LRCH2: variants seen among roughly 807,000 people sequenced by gnomAD.
LRCH2 encodes the protein leucine rich repeats and calponin homology domain containing 2, also known as leucine-rich repeat and calponin homology domain-containing protein 2.
In LRCH2, 38 loss-of-function variants were observed where a neutral mutation model predicts 68.9. The ratio of observed to expected loss-of-function variants is 0.55; its 90% CI spans 0.43 to 0.72. The LOEUF is 0.72. LRCH2 is among the 30% of genes least tolerant of loss of function. The probability of loss-of-function intolerance (pLI) is 0.00; values close to 1 mark genes in which losing one functional copy is unlikely to be tolerated. For synonymous variants in LRCH2, 191 were observed against 208.1 expected, an observed-to-expected ratio of 0.92 and a Z score of 0.71; for missense variants, 528 against 572.9, an observed-to-expected ratio of 0.92 and a Z score of 0.80.
At chrX:115,161,850 G>A (rs782115114) in intron 11 of LRCH2, among the ~76,000 whole-genome samples, 2 of 109,549 alleles carry the variant, frequency 1.8e-5, no homozygotes, top group South Asian at 3.8e-4. Context: ...CAGAAATATC[G>A]TATATGACAA....
chrX:115,134,186 G>A (rs2072269367), intron 14 of LRCH2, among the ~76,000 whole-genome samples: 1 of 112,223 alleles, frequency 8.9e-6, no homozygotes, highest in African/African-American at 3.2e-5. Context: ...TGAAGTCAAG[G>A]TGAGGAAGCT....
At chrX:115,139,200 T>A (rs945793556) in intron 14 of LRCH2, 4 of 111,687 alleles carry the variant, frequency 3.6e-5, no homozygotes, top group Admixed American at 1.9e-4. Flanking sequence ...TCAGGTTATT[T>A]TACAATCCCA....
intron 1 of LRCH2, among the ~76,000 whole-genome samples, chrX:115,207,452 T>C (rs1556568673): frequency 9.0e-6 from 1 of 111,440 alleles, no homozygotes; most frequent in Non-Finnish European, 1.9e-5. Flanking sequence ...GGTGGGAGGA[T>C]GGTTTGAGCC....
Position 115,191,348 on chromosome X carries a change from G to T in LRCH2, c.350-2978C>A, listed in dbSNP as rs185429536. 9.3e-5 allele frequency: 106 copies of T among 1,139,663 alleles called. 2 individuals carry two copies. The African/African-American group carries it at 1.7e-3, about 18-fold the overall frequency. 93.9% of individuals were successfully genotyped at this position (1,139,663 alleles called of 1,213,427 possible). ...GGCCGCTACGAGGAGTACCGAGGCC[G>T]CTCCCTTGATGCCAACAGTGGAGGC... On this transcript the variant is annotated intron_variant, in intron 1 of 20. Transcript: ENST00000317135.
chrX:115,112,674 T>C lies in LRCH2; in HGVS notation c.*542A>G, dbSNP rs1401863274. ...AATCTACAGTACAACTGAAAATATT[T>C]TGGCACCAACCTATAATACTAAAAG... On this transcript the variant is annotated 3_prime_UTR_variant, in exon 21 of 21. Coordinates refer to ENST00000317135, the MANE Select transcript of LRCH2 (RefSeq NM_020871.4). 1.8e-5 allele frequency: 2 copies of C among 112,022 alleles called. No individual in the cohort carries two copies. Among genetic ancestry groups the C allele is most frequent in the African/African-American group, 6.5e-5 (2 of 30,859 alleles). 9.2% of individuals were successfully genotyped at this position (112,022 alleles called of 1,213,427 possible).
At chrX:115,181,673 C>T (rs1426268565) in intron 3 of LRCH2, among the ~76,000 whole-genome samples, 9 of 112,182 alleles carry the variant, frequency 8.0e-5, no homozygotes, top group African/African-American at 2.9e-4. Flanking sequence ...GAATATCCAC[C>T]AATTCAATAT....
chrX:115,165,026 T>C (rs1294984957), intron 10 of LRCH2, among the ~76,000 whole-genome samples: 4 of 111,035 alleles, frequency 3.6e-5, no homozygotes, highest in Non-Finnish European at 5.7e-5. Flanking sequence ...ACAATACATC[T>C]GAGTTCCAGC....
At chrX:115,197,109 A>G (rs1569516361) in intron 1 of LRCH2, among the ~76,000 whole-genome samples, 1 of 111,638 alleles carries the variant, frequency 9.0e-6, no homozygotes, top group East Asian at 2.8e-4. Context: ...GCCTTACCCA[A>G]CGAACATCAT....
At position 115,122,856 on chromosome X, in the gene LRCH2, A is replaced by G. The variant is rs1556526471; in HGVS notation, c.2004T>C (p.Ile668=). The change falls in exon 19 of 21, where the codon ATT becomes ATC. Residue 668 remains isoleucine (I), a synonymous_variant. Coordinates refer to ENST00000317135, the MANE Select transcript of LRCH2 (RefSeq NM_020871.4). ...CAACCCCATCCATCAGTGCAGCTCC[A>G]ATGTCATCAGGCAAAATTACTTTTA... The part of the protein sequence containing the change: ...SRLKVILPDD[I]GAALMDGVVL... 1 of 1,207,835 alleles carries G rather than the reference A, an allele frequency of 8.3e-7. No homozygotes were observed. The highest frequency in any genetic ancestry group is 1.1e-6 in the Non-Finnish European group (1 of 894,005).
chrX:115,147,610 T>A, intron 14 of LRCH2, among the ~76,000 whole-genome samples: 1 of 111,777 alleles, frequency 8.9e-6, no homozygotes, highest in East Asian at 2.8e-4. Flanking sequence ...ATAGAAGATG[T>A]TTATTTTATA....
At chrX:115,145,384 G>C (rs782048143) in intron 14 of LRCH2, among the ~76,000 whole-genome samples, 1 of 111,180 alleles carries the variant, frequency 9.0e-6, no homozygotes, top group South Asian at 3.8e-4. Flanking sequence ...ACACAGGTCT[G>C]GGCAAAAATT....
intron 1 of LRCH2, chrX:115,190,109 G>A: frequency 8.6e-7 from 1 of 1,156,172 alleles, no homozygotes; most frequent in East Asian, 3.3e-5. Flanking sequence ...GGAATGCCTG[G>A]GAAGGCCCCG....
At chrX:115,183,207 A>G (rs1189637827) in intron 3 of LRCH2, among the ~76,000 whole-genome samples, 3 of 111,244 alleles carry the variant, frequency 2.7e-5, no homozygotes, top group African/African-American at 9.8e-5. Context: ...GTTCTAAAAC[A>G]TAAGGTGAAA....
intron 5 of LRCH2, 21 bp downstream of exon 5, chrX:115,179,406 T>C: frequency 9.5e-7 from 1 of 1,052,857 alleles, no homozygotes. Context: ...GAAGAAACAT[T>C]ATAATATTTT....
At chrX:115,229,568 T>C (rs1176030722) in intron 1 of LRCH2, among the ~76,000 whole-genome samples, 1 of 112,401 alleles carries the variant, frequency 8.9e-6, no homozygotes, top group African/African-American at 3.2e-5. Context: ...GTAGAACTTA[T>C]CACTGAATAA....
chrX:115,141,770 AG>A (rs782522458), intron 14 of LRCH2, among the ~76,000 whole-genome samples: 204 of 107,936 alleles, frequency 1.9e-3, no homozygotes, highest in African/African-American at 6.7e-3. Context: ...GCTACTCAGG[AG>A]GCTGAGGCAG....
chrX:115,167,754 A>T (rs2072575376), intron 6 of LRCH2, among the ~76,000 whole-genome samples: 2 of 111,789 alleles, frequency 1.8e-5, no homozygotes, highest in Non-Finnish European at 3.8e-5. Flanking sequence ...TTTAATTCTC[A>T]CAACTGTAGA....
intron 2 of LRCH2, 49 bp downstream of exon 2, chrX:115,188,177 A>G: frequency 1.1e-6 from 1 of 949,432 alleles, no homozygotes; most frequent in Non-Finnish European, 1.4e-6. Flanking sequence ...CTAAAAAAGG[A>G]TTAGAACAAC....
chrX:115,221,938 G>GAAA, intron 1 of LRCH2, among the ~76,000 whole-genome samples: 1 of 85,840 alleles, frequency 1.2e-5, no homozygotes, highest in African/African-American at 4.3e-5. Flanking sequence ...ATATTAACAG[G>GAAA]AAAAAAAAAA....
Sources: gnomAD v4.1 joint callset for allele counts (sites outside exome capture counted in the v4.1 genomes callset) on GRCh38, gnomAD v4.1.1 for gene constraint, MANE v1.5 for transcripts, NCBI Gene and HGNC (gene_info 2026-07-23, HGNC 2026-07-21) for gene names.